RNLS: variants seen among roughly 807,000 people sequenced by gnomAD.
RNLS encodes the protein renalase.
RNLS carries 39 observed loss-of-function variants against 39.8 expected under a neutral mutation model. That is an observed-to-expected ratio of 0.98 (90% CI 0.76 to 1.28). The LOEUF (loss-of-function observed/expected upper bound fraction) is 1.28, where lower values mean the gene tolerates loss of function less well. RNLS is among the 50% of genes most tolerant of loss of function. The pLI, the probability that RNLS is intolerant of heterozygous loss-of-function variation, is 0.00. For synonymous variants in RNLS, 147 were observed against 150.7 expected (o/e 0.98, Z 0.18); for missense variants, 410 against 413.3 (o/e 0.99, Z 0.07).
chr10:88,360,355 A>G (rs1376556755), intron 5 of RNLS, among the ~76,000 whole-genome samples: 1 of 152,228 alleles, frequency 6.6e-6, no homozygotes, highest in East Asian at 1.9e-4. Flanking sequence ...GTACTCAAGT[A>G]ATCCAATTCT....
At chr10:88,347,953 A>G (rs1165098132) in intron 5 of RNLS, among the ~76,000 whole-genome samples, 1 of 152,158 alleles carries the variant, frequency 6.6e-6, no homozygotes, top group Admixed American at 6.6e-5. Flanking sequence ...TGTAATTATA[A>G]TAGCAAAAGT....
chr10:88,399,373 T>C (rs952126121), intron 4 of RNLS, among the ~76,000 whole-genome samples: 3 of 152,004 alleles, frequency 2.0e-5, no homozygotes, highest in East Asian at 1.9e-4. Flanking sequence ...AGCCAAAAAG[T>C]TGAAGCAACC....
At chr10:88,564,004 A>T (rs748900625) in intron 4 of RNLS, among the ~76,000 whole-genome samples, 3 of 152,168 alleles carry the variant, frequency 2.0e-5, no homozygotes, top group Non-Finnish European at 4.4e-5. Context: ...TTATAATTAA[A>T]CATACATATG....
chr10:88,304,840 GA>G (rs1261923126), intron 6 of RNLS, among the ~76,000 whole-genome samples: 3 of 152,050 alleles, frequency 2.0e-5, no homozygotes, highest in Non-Finnish European at 2.9e-5. Flanking sequence ...GAAATACAGA[GA>G]ACCCTAGTAA....
chr10:88,192,741 G>A, the RNLS span, among the ~76,000 whole-genome samples: 1 of 152,108 alleles, frequency 6.6e-6, no homozygotes, highest in African/African-American at 2.4e-5. Context: ...TGGTTCTCAG[G>A]GACTGCTTAT....
intron 5 of RNLS, among the ~76,000 whole-genome samples, chr10:88,349,595 A>C (rs933174985): frequency 6.6e-6 from 1 of 152,132 alleles, no homozygotes; most frequent in African/African-American, 2.4e-5. Context: ...GAGCAAGTGA[A>C]CCTGGTCCCC....
the RNLS span, among the ~76,000 whole-genome samples, chr10:88,235,534 G>A: frequency 6.6e-6 from 1 of 151,802 alleles, no homozygotes; most frequent in Non-Finnish European, 1.5e-5. Context: ...GCATTTTTCT[G>A]GATAATATTA....
chr10:88,275,308 T>A (rs1842776741), intron 6 of RNLS, among the ~76,000 whole-genome samples: 2 of 152,220 alleles, frequency 1.3e-5, no homozygotes, highest in South Asian at 4.1e-4. Context: ...ATAATTGTTA[T>A]CTTCTATTAA....
intron 4 of RNLS, among the ~76,000 whole-genome samples, chr10:88,452,000 C>G (rs1015975494): frequency 3.3e-5 from 5 of 152,192 alleles, no homozygotes; most frequent in African/African-American, 1.2e-4. Context: ...GAGTCTCTGT[C>G]TTTTCATATG....
At chr10:88,488,209 G>C (rs1844658595) in intron 4 of RNLS, among the ~76,000 whole-genome samples, 1 of 152,014 alleles carries the variant, frequency 6.6e-6, no homozygotes, top group South Asian at 2.1e-4. Context: ...CTTTCGATAT[G>C]TGCAGGTTAT....
chr10:88,439,375 C>T (rs1841586011), intron 4 of RNLS, among the ~76,000 whole-genome samples: 1 of 152,184 alleles, frequency 6.6e-6, no homozygotes, highest in African/African-American at 2.4e-5. Context: ...GGAAATATAA[C>T]AAATGTCTTC....
the RNLS span, among the ~76,000 whole-genome samples, chr10:88,240,918 A>G: frequency 2.0e-5 from 3 of 151,864 alleles, no homozygotes; most frequent in African/African-American, 7.2e-5. Flanking sequence ...TTTTCAAAAA[A>G]TCATGACTAG....
chr10:88,572,598 A>T (rs1849902555), intron 4 of RNLS, among the ~76,000 whole-genome samples: 1 of 152,224 alleles, frequency 6.6e-6, no homozygotes, highest in Non-Finnish European at 1.5e-5. Flanking sequence ...ATCTTTTCTC[A>T]AAAATGGCCA....
At chr10:88,273,686 G>GC (rs576150674), downstream of RNLS, among the ~76,000 whole-genome samples, 4 of 152,178 alleles carry the variant, frequency 2.6e-5, no homozygotes, top group East Asian at 7.7e-4. Flanking sequence ...ATTTCTTTAA[G>GC]CCAGACTCCT....
the RNLS span, among the ~76,000 whole-genome samples, chr10:88,225,299 G>T: frequency 2.0e-5 from 3 of 152,218 alleles, no homozygotes; most frequent in Middle Eastern, 3.4e-3. Flanking sequence ...TCTGAACTTT[G>T]TAAGAAAAAA....
chr10:88,280,877 C>T (rs1842986639), downstream of RNLS, among the ~76,000 whole-genome samples: 1 of 152,076 alleles, frequency 6.6e-6, no homozygotes, highest in Non-Finnish European at 1.5e-5. Flanking sequence ...GGTTTCCAAA[C>T]CTCTCTAAGC....
intron 4 of RNLS, among the ~76,000 whole-genome samples, chr10:88,530,403 T>G (rs988738431): frequency 6.6e-6 from 1 of 152,216 alleles, no homozygotes; most frequent in African/African-American, 2.4e-5. Context: ...TGTTTCTTTT[T>G]CTCTGTTTTT....
the RNLS span, among the ~76,000 whole-genome samples, chr10:88,183,032 C>G: frequency 6.6e-6 from 1 of 152,086 alleles, no homozygotes; most frequent in Non-Finnish European, 1.5e-5. Flanking sequence ...CAATAATATT[C>G]ATCTTGCAAA....
the RNLS span, among the ~76,000 whole-genome samples, chr10:88,174,356 C>G: frequency 2.6e-5 from 4 of 151,886 alleles, no homozygotes; most frequent in African/African-American, 9.7e-5. Context: ...TAGATGAAAG[C>G]TTTCAATGTT....
Sources: gnomAD v4.1 joint callset for allele counts (sites outside exome capture counted in the v4.1 genomes callset) on GRCh38, gnomAD v4.1.1 for gene constraint, MANE v1.5 for transcripts, NCBI Gene and HGNC (gene_info 2026-07-23, HGNC 2026-07-21) for gene names.